CHN2: variants seen among roughly 807,000 people sequenced by gnomAD.
The protein encoded by CHN2 is beta-chimaerin.
A neutral mutation model predicts 56.3 loss-of-function variants in CHN2; 35 were observed. That is an observed-to-expected ratio of 0.62 (90% CI 0.47 to 0.82). The LOEUF (loss-of-function observed/expected upper bound fraction) is 0.82, where lower values mean the gene tolerates loss of function less well. CHN2 is among the 40% of genes least tolerant of loss of function. The pLI, the probability that CHN2 is intolerant of heterozygous loss-of-function variation, is 0.00. For synonymous variants in CHN2, 210 were observed against 212.8 expected, an observed-to-expected ratio of 0.99 and a Z score of 0.12; for missense variants, 491 against 580.5, an observed-to-expected ratio of 0.85 and a Z score of 1.58.
intron 1 of CHN2, among the ~76,000 whole-genome samples, chr7:29,294,664 C>T (rs60937791): frequency 0.056 from 8,517 of 152,264 alleles, 342 homozygotes; most frequent in African/African-American, 0.11. Context: ...CAGCAAATCC[C>T]TGCTTTCTGT....
intron 1 of CHN2, among the ~76,000 whole-genome samples, chr7:29,334,888 C>T (rs766965282): frequency 1.3e-5 from 2 of 152,112 alleles, no homozygotes; most frequent in Non-Finnish European, 2.9e-5. Flanking sequence ...CCTCCATGTG[C>T]GGACAGGAAG....
chr7:29,295,729 T>C (rs1793097710), intron 1 of CHN2, among the ~76,000 whole-genome samples: 1 of 152,226 alleles, frequency 6.6e-6, no homozygotes, highest in Admixed American at 6.5e-5. Flanking sequence ...CTTCTTTTCA[T>C]AATATTTGTT....
chr7:29,325,541 A>G (rs1795734509), intron 1 of CHN2, among the ~76,000 whole-genome samples: 1 of 152,204 alleles, frequency 6.6e-6, no homozygotes, highest in South Asian at 2.1e-4. Context: ...AGCCTCACAA[A>G]GTTCTTTCAA....
chr7:29,476,677 G>A (rs956576078), intron 6 of CHN2, among the ~76,000 whole-genome samples: 4 of 152,212 alleles, frequency 2.6e-5, no homozygotes, highest in Non-Finnish European at 5.9e-5. Context: ...TTCTCAACTG[G>A]AGACAGCGTT....
At chr7:29,375,862 C>A (rs896103431) in intron 3 of CHN2, among the ~76,000 whole-genome samples, 2 of 152,170 alleles carry the variant, frequency 1.3e-5, no homozygotes, top group Non-Finnish European at 2.9e-5. Flanking sequence ...AGAGGTCAGG[C>A]CCCACAAGTT....
intron 1 of CHN2, among the ~76,000 whole-genome samples, chr7:29,325,538 C>A (rs1413798746): frequency 1.3e-5 from 2 of 152,206 alleles, no homozygotes; most frequent in African/African-American, 4.8e-5. Flanking sequence ...CTGAGCCTCA[C>A]AAAGTTCTTT....
At chr7:29,363,926 A>G (rs920632350) in intron 2 of CHN2, among the ~76,000 whole-genome samples, 1 of 152,130 alleles carries the variant, frequency 6.6e-6, no homozygotes, top group Non-Finnish European at 1.5e-5. Context: ...ATTCGCAGCT[A>G]CTTGGGAGGT....
intron 1 of CHN2, among the ~76,000 whole-genome samples, chr7:29,347,650 C>T (rs747027505): frequency 3.3e-4 from 50 of 152,284 alleles, no homozygotes; most frequent in Non-Finnish European, 5.3e-4. Context: ...TCCCTCAACA[C>T]GTAAGGATTA....
chr7:29,291,883 T>G (rs891075132), intron 1 of CHN2, among the ~76,000 whole-genome samples: 8 of 152,212 alleles, frequency 5.3e-5, no homozygotes, highest in African/African-American at 1.9e-4. Context: ...ACACTAAACC[T>G]GAGATAGGGA....
chr7:29,502,694 T>C (rs908878013), intron 9 of CHN2, among the ~76,000 whole-genome samples: 3 of 152,204 alleles, frequency 2.0e-5, no homozygotes, highest in Non-Finnish European at 2.9e-5. Flanking sequence ...TACCCCCATT[T>C]AATTATAATC....
In CHN2 at chr7:29,247,771, G is replaced by A. The variant is rs185118269; in HGVS notation, c.49+52781G>A. 1.4e-3 allele frequency among the ~76,000 whole-genome samples: 209 copies of A among 152,320 alleles called. 1 individual carries two copies. Among genetic ancestry groups the A allele is most frequent in the Admixed American group, 5.2e-3 (79 of 15,300 alleles). On this transcript the variant is annotated intron_variant, in intron 1 of 12. Coordinates refer to ENST00000222792, the MANE Select transcript of CHN2 (RefSeq NM_004067.4). ...AGCTGTTCTGTTATTTCCTCTGCCA[G>A]CTTTCTCTTTCCATGGCTTTGCTTT...
intron 1 of CHN2, among the ~76,000 whole-genome samples, chr7:29,252,290 G>A (rs1436376095): frequency 1.4e-5 from 2 of 147,458 alleles, no homozygotes; most frequent in South Asian, 2.1e-4. Context: ...CCAGGTTCAC[G>A]AGATTCTTCT....
intron 1 of CHN2, among the ~76,000 whole-genome samples, chr7:29,265,459 C>T (rs572150116): frequency 1.3e-5 from 2 of 152,218 alleles, no homozygotes; most frequent in Admixed American, 6.5e-5. Flanking sequence ...CTCCTTAAGG[C>T]CCCTGAAGCT....
intron 3 of CHN2, among the ~76,000 whole-genome samples, chr7:29,376,123 A>C (rs904171185): frequency 6.6e-6 from 1 of 152,184 alleles, no homozygotes; most frequent in Non-Finnish European, 1.5e-5. Context: ...ATTGGAAAAA[A>C]TGTGGATGAT....
intron 2 of CHN2, among the ~76,000 whole-genome samples, chr7:29,160,743 A>G (rs1451909237): frequency 6.6e-6 from 1 of 152,196 alleles, no homozygotes; most frequent in East Asian, 1.9e-4. Context: ...TGAGGCAGAG[A>G]GGAAGGGCTA....
chr7:29,493,231 T>C (rs1788852767), intron 7 of CHN2, among the ~76,000 whole-genome samples: 1 of 152,164 alleles, frequency 6.6e-6, no homozygotes, highest in Non-Finnish European at 1.5e-5. Flanking sequence ...TAGAGGTCTG[T>C]AGCCTAGGAG....
chr7:29,494,020 T>G (rs1452850957), intron 7 of CHN2, among the ~76,000 whole-genome samples: 2 of 152,200 alleles, frequency 1.3e-5, no homozygotes, highest in Non-Finnish European at 2.9e-5. Context: ...CCCGCAACTT[T>G]TGGTGTTCTG....
intron 8 of CHN2, among the ~76,000 whole-genome samples, chr7:29,496,882 T>C (rs1242396367): frequency 6.6e-6 from 1 of 152,214 alleles, no homozygotes; most frequent in African/African-American, 2.4e-5. Context: ...TCCTCTGATA[T>C]TGATCAGGTT....
chr7:29,391,230 C>A (rs1204915308), intron 3 of CHN2, among the ~76,000 whole-genome samples: 1 of 151,692 alleles, frequency 6.6e-6, no homozygotes. Flanking sequence ...TCTCTTACTT[C>A]TGTCTTTCCT....
Sources: gnomAD v4.1 joint callset for allele counts (sites outside exome capture counted in the v4.1 genomes callset) on GRCh38, gnomAD v4.1.1 for gene constraint, MANE v1.5 for transcripts, NCBI Gene and HGNC (gene_info 2026-07-23, HGNC 2026-07-21) for gene names.